The following ZNF714 variants were observed in gnomAD, a reference collection of about 807,000 sequenced individuals.
ZNF714 encodes zinc finger protein 714.
In ZNF714, 32 loss-of-function variants were observed where a neutral mutation model predicts 46.2. The ratio of observed to expected loss-of-function variants is 0.69; its 90% CI spans 0.52 to 0.93. ZNF714 has a LOEUF of 0.93. Ranked by LOEUF, ZNF714 falls within the 40% of genes least tolerant of loss-of-function variation. The pLI is 0.00. For missense variants in ZNF714, 635 were observed against 646.3 expected (o/e 0.98, Z 0.19); for synonymous variants, 199 against 213.1 (o/e 0.93, Z 0.58).
In ZNF714 at chr19:21,123,517, T is replaced by G. The variant is rs1308276851; in HGVS notation, c.*5185T>G. 6.6e-6 allele frequency among the ~76,000 whole-genome samples: 1 copy of G among 151,462 alleles called. No individual in the cohort carries two copies. The highest frequency in any genetic ancestry group is 1.5e-5 in the Non-Finnish European group (1 of 67,896). On this transcript the variant is annotated 3_prime_UTR_variant, in exon 5 of 5. Transcript: ENST00000456283. Reference sequence around the variant, plus strand: ...CTACAGGCGCCCGCTACCGCACCCGTCTAATTTTTTTGTATTTTTAGTAGA... The same window carrying G: ...CTACAGGCGCCCGCTACCGCACCCGGCTAATTTTTTTGTATTTTTAGTAGA...
At chr19:21,116,489 CA>C (rs1969598667) in intron 4 of ZNF714, among the ~76,000 whole-genome samples, 1 of 152,094 alleles carries the variant, frequency 6.6e-6, no homozygotes, top group Non-Finnish European at 1.5e-5. Flanking sequence ...CTTTGAAAGG[CA>C]GTATGTTATA....
In ZNF714 at chr19:21,098,961, A is replaced by T. The variant is rs868068317; in HGVS notation, c.142+51A>T. The T allele has an allele frequency of 0.017, 13,097 of 754,590 alleles. 921 individuals carry two copies. The African/African-American group carries it at 0.23, about 13-fold the overall frequency. The allele number at this position is 754,590 out of a possible 1,614,324, so 46.7% of individuals were successfully genotyped here. On this transcript the variant is annotated intron_variant, in intron 4 of 4. Coordinates refer to ENST00000456283, the MANE Select transcript of ZNF714 (RefSeq NM_182515.4). ...GACACAGATGAGAGGTACAAAGGTA[A>T]AAAAAAAAAAAAAGCAAGCCGGCCC... is the stretch of plus-strand genomic sequence containing the variant.
At chr19:21,087,433 G>A (rs1323626445) in intron 2 of ZNF714, among the ~76,000 whole-genome samples, 1 of 151,982 alleles carries the variant, frequency 6.6e-6, no homozygotes, top group Non-Finnish European at 1.5e-5. Context: ...CATTTGACAT[G>A]TTTTCTATGT....
chr19:21,098,609 T>C (rs1030112015), intron 3 of ZNF714, among the ~76,000 whole-genome samples: 2 of 152,146 alleles, frequency 1.3e-5, no homozygotes, highest in Admixed American at 1.3e-4. Flanking sequence ...CCACTGTCAA[T>C]TTTTGATTCA....
chr19:21,110,117 T>C (rs948961012), intron 4 of ZNF714, among the ~76,000 whole-genome samples: 1 of 152,228 alleles, frequency 6.6e-6, no homozygotes, highest in African/African-American at 2.4e-5. Context: ...CCCAGTATAA[T>C]GGGATCGTTG....
intron 2 of ZNF714, among the ~76,000 whole-genome samples, chr19:21,087,246 A>C (rs1244998886): frequency 7.9e-6 from 1 of 126,560 alleles, no homozygotes; most frequent in African/African-American, 2.8e-5. Context: ...AAAAAAAAAA[A>C]CATGATCGAC....
At chr19:21,099,958 T>C (rs975237979) in intron 4 of ZNF714, among the ~76,000 whole-genome samples, 1 of 152,074 alleles carries the variant, frequency 6.6e-6, no homozygotes, top group Non-Finnish European at 1.5e-5. Flanking sequence ...CGAGTTCAAG[T>C]GATTCTCCTG....
intron 4 of ZNF714, among the ~76,000 whole-genome samples, chr19:21,108,861 T>C (rs73024648): frequency 0.015 from 2,242 of 152,282 alleles, 60 homozygotes; most frequent in African/African-American, 0.052. Flanking sequence ...ATTATGTTGC[T>C]ATGTATTTCT....
At chr19:21,100,206 T>C (rs1349724323) in intron 4 of ZNF714, among the ~76,000 whole-genome samples, 2 of 152,160 alleles carry the variant, frequency 1.3e-5, no homozygotes, top group East Asian at 1.9e-4. Flanking sequence ...CTTTCATTGA[T>C]ATCTTATATA....
chr19:21,098,444 T>G (rs1469613317), intron 3 of ZNF714, 133 bp downstream of exon 3: 2 of 1,166,698 alleles, frequency 1.7e-6, no homozygotes, highest in Non-Finnish European at 2.4e-6. Context: ...AAAATCTTGA[T>G]GATTTGTCTC....
Position 21,117,907 on chromosome 19 carries a change from CATAAG to C in ZNF714, c.1248_1252del (p.Lys416AsnfsTer11). 6.2e-7 allele frequency: 1 copy of C among 1,613,028 alleles called. No homozygotes were observed. ...TAACCAATCCTCAAACCTTACCAAA[CATAAG>C]ATAATTCATACTGGAGAGAAACTCT... is the stretch of plus-strand genomic sequence containing the variant. On this transcript the variant is annotated frameshift_variant, in exon 5 of 5. Transcript: ENST00000456283. LOFTEE classifies it high-confidence loss of function.
chr19:21,110,025 T>G (rs1969414660), intron 4 of ZNF714, among the ~76,000 whole-genome samples: 1 of 152,214 alleles, frequency 6.6e-6, no homozygotes, highest in Non-Finnish European at 1.5e-5. Flanking sequence ...TGCCATGTCT[T>G]TGCTATTGTG....
At chr19:21,093,620 T>C (rs923907109) in intron 2 of ZNF714, among the ~76,000 whole-genome samples, 8 of 152,152 alleles carry the variant, frequency 5.3e-5, no homozygotes, top group Admixed American at 2.6e-4. Context: ...TTATTAAATC[T>C]TCTATTTTAT....
At position 21,122,483 on chromosome 19, in the gene ZNF714, A is replaced by T. The variant is rs1186167422; in HGVS notation, c.*4151A>T. 6.6e-6 allele frequency: 1 copy of T among 152,130 alleles called. No homozygotes were observed. Among genetic ancestry groups the T allele is most frequent in the Non-Finnish European group, 1.5e-5 (1 of 68,046 alleles). 9.4% of individuals were successfully genotyped at this position (152,130 alleles called of 1,614,324 possible). ...AAATTAGCTGATTGTGGTGGCATCC[A>T]CCTGTAGCCCAGCTACTCAGGAGGC... On this transcript the variant is annotated 3_prime_UTR_variant, in exon 5 of 5. Transcript: ENST00000456283.
chr19:21,098,375 A>G (rs1249255312), intron 3 of ZNF714, 64 bp downstream of exon 3: 1 of 1,565,448 alleles, frequency 6.4e-7, no homozygotes, highest in Non-Finnish European at 8.6e-7. Context: ...CTTTTTTTGT[A>G]GAATTTTCTT....
rs1969104783 is a variant in ZNF714, at chr19:21,098,904, T to C, written c.136T>C (p.Ser46Pro). The change falls in exon 4 of 5, where the codon TCC (serine) becomes CCC (proline). Residue 46 changes from serine (S) to proline (P), a missense_variant. By Grantham distance (74) the Ser-to-Pro change is moderately conservative (BLOSUM62 -1). Transcript: ENST00000456283. Reference sequence around the variant, plus strand: ...GAAGATATGTGAGATGGTGGATGAATCCCCAGGTAGGTGAGAGTGAACACA... The same window carrying C: ...GAAGATATGTGAGATGGTGGATGAACCCCCAGGTAGGTGAGAGTGAACACA... ...NMKICEMVDE[S>P]PAMCSSFTRD... 6.3e-7 allele frequency: 1 copy of C among 1,582,128 alleles called. No individual in the cohort carries two copies. Among genetic ancestry groups the C allele is most frequent in the Non-Finnish European group, 8.6e-7 (1 of 1,161,978 alleles).
intron 3 of ZNF714, 48 bp downstream of exon 3, chr19:21,098,359 A>C: frequency 6.3e-7 from 1 of 1,578,152 alleles, no homozygotes; most frequent in Non-Finnish European, 8.6e-7. Flanking sequence ...TAAACGTTTT[A>C]TGTCTCTTTT....
rs924011596 is a variant in ZNF714 at position 21,121,714 on chromosome 19, A to T, written c.*3382A>T. 12 of 152,266 alleles carry T rather than the reference A, an allele frequency of 7.9e-5. No individual in the cohort carries two copies. Among genetic ancestry groups the T allele is most frequent in the African/African-American group, 2.9e-4 (12 of 41,478 alleles). The allele number at this position is 152,266 out of a possible 1,614,324, so 9.4% of individuals were successfully genotyped here. On this transcript the variant is annotated 3_prime_UTR_variant, in exon 5 of 5. Transcript: ENST00000456283. ...ACTATAAAACTAAAAACCTTAAAAA[A>T]TGCTGAAAGCAAATGTATACTTTGT... is the stretch of plus-strand genomic sequence containing the variant.
At chr19:21,105,703 T>G (rs1969294478) in intron 4 of ZNF714, among the ~76,000 whole-genome samples, 1 of 151,936 alleles carries the variant, frequency 6.6e-6, no homozygotes, top group Non-Finnish European at 1.5e-5. Flanking sequence ...GCCTATAATC[T>G]CAGCACTTTG....
Sources: gnomAD v4.1 joint callset for allele counts (sites outside exome capture counted in the v4.1 genomes callset) on GRCh38, gnomAD v4.1.1 for gene constraint, MANE v1.5 for transcripts, NCBI Gene and HGNC (gene_info 2026-07-23, HGNC 2026-07-21) for gene names.